Variants in LRRC53 observed in about 807,000 individuals in gnomAD.
LRRC53 encodes the protein leucine-rich repeat-containing protein 53.
LRRC53 carries 25 observed loss-of-function variants against 13.6 expected under a neutral mutation model. The observed-to-expected ratio is 1.83, with a 90% CI of 1.34 to 2.56. The LOEUF is 2.56. Ranked by LOEUF, LRRC53 falls within the 30% of genes most tolerant of loss-of-function variation. The pLI is 0.00. For missense variants in LRRC53, 527 were observed against 275.8 expected (o/e 1.91, Z -6.45); for synonymous variants, 204 against 109.8 (o/e 1.86, Z -5.37).
intron 1 of LRRC53, among the ~76,000 whole-genome samples, chr1:74,495,684 G>C (rs1415768530): frequency 6.6e-6 from 1 of 152,158 alleles, no homozygotes; most frequent in Non-Finnish European, 1.5e-5. Context: ...ACTTTCCCAA[G>C]TTAATGGAGA....
At position 74,475,814 on chromosome 1, in the gene LRRC53, T is replaced by C. The variant is rs1219459566; in HGVS notation, c.905-4A>G. ...AGGCAAGTGAGACCAACAGCTCCTA[T>C]GACAAATAGAGAGACCATTAAAAGA... On this transcript the variant is annotated splice_polypyrimidine_tract_variant and splice_region_variant and intron_variant, in intron 3 of 4. Coordinates refer to ENST00000294635, the MANE Select transcript of LRRC53 (RefSeq NM_001382280.1). 3.3e-6 allele frequency: 2 copies of C among 598,684 alleles called. No individual in the cohort carries two copies. The highest frequency in any genetic ancestry group is 1.9e-5 in the African/African-American group (1 of 53,576). 37.1% of individuals were successfully genotyped at this position (598,684 alleles called of 1,614,324 possible). A position where few individuals can be genotyped will look rare whatever the true frequency, so the allele number is the denominator to read the frequency against.
At position 74,480,257 on chromosome 1, in the gene LRRC53, G is replaced by C. The variant is rs898518726; in HGVS notation, c.800C>G (p.Thr267Ser). 1.4e-6 allele frequency: 1 copy of C among 717,416 alleles called. No homozygotes were observed. The highest frequency in any genetic ancestry group is 1.7e-5 in the African/African-American group (1 of 57,266). The allele number at this position is 717,416 out of a possible 1,614,324, so 44.4% of individuals were successfully genotyped here. Residue 267 changes from threonine to serine, a missense_variant, in exon 3 of 5, where the codon ACC becomes AGC. Physicochemically the swap from Thr to Ser is moderately conservative, Grantham distance 58 (BLOSUM62 1). Transcript: ENST00000294635. ...GTTGGGAGCTTTGGAATCACAGTTG[G>C]TCTCAGACAGCCTCAGCACACTCTG... is the stretch of plus-strand genomic sequence containing the variant. ...AAQSVLRLSE[T>S]NCDSKAPNFT...
the LRRC53 span, among the ~76,000 whole-genome samples, chr1:74,529,662 A>G: frequency 6.6e-6 from 1 of 152,218 alleles, no homozygotes; most frequent in East Asian, 1.9e-4. Flanking sequence ...AGTATTTGGG[A>G]GATGATGGGC....
the LRRC53 span, among the ~76,000 whole-genome samples, chr1:74,522,493 A>G: frequency 6.6e-6 from 1 of 152,118 alleles, no homozygotes; most frequent in East Asian, 1.9e-4. Flanking sequence ...TACGAGTTGC[A>G]TGACTAATTC....
intron 3 of LRRC53, among the ~76,000 whole-genome samples, chr1:74,479,740 G>A (rs1247624389): frequency 6.6e-6 from 1 of 152,218 alleles, no homozygotes; most frequent in African/African-American, 2.4e-5. Context: ...TGAGGAAAGA[G>A]TCTATGTCCC....
chr1:74,503,262 A>T (rs1009885698), intron 1 of LRRC53, among the ~76,000 whole-genome samples: 1 of 152,222 alleles, frequency 6.6e-6, no homozygotes, highest in African/African-American at 2.4e-5. Context: ...GGGAATCAGC[A>T]TCTTTTAGCT....
chr1:74,483,316 A>G lies in LRRC53; in HGVS notation c.34T>C (p.Cys12Arg), dbSNP rs762475126. 3.5e-5 allele frequency: 25 copies of G among 717,528 alleles called. No homozygotes were observed. The highest frequency in any genetic ancestry group is 3.4e-4 in the South Asian group (23 of 67,590). The allele number at this position is 717,528 out of a possible 1,614,324, so 44.4% of individuals were successfully genotyped here. Residue 12 changes from cysteine to arginine, a missense_variant, in exon 2 of 5, where the codon TGT becomes CGT. Transcript: ENST00000294635. ...LRLVAACPES[C>R]VVCTKDVTLC... ...GTTACATCTTTGGTGCACACCACAC[A>G]TGACTCAGGGCAAGCTGCCACCAAC...
intron 1 of LRRC53, among the ~76,000 whole-genome samples, chr1:74,511,920 C>T (rs1670247656): frequency 6.6e-6 from 1 of 152,130 alleles, no homozygotes; most frequent in Non-Finnish European, 1.5e-5. Flanking sequence ...GTGGGTAGAG[C>T]AGAAGCTATA....
chr1:74,499,062 C>A (rs1466396331), intron 1 of LRRC53, among the ~76,000 whole-genome samples: 1 of 152,240 alleles, frequency 6.6e-6, no homozygotes, highest in East Asian at 1.9e-4. Context: ...AATAAACAAG[C>A]AAACCAACAG....
intron 3 of LRRC53, among the ~76,000 whole-genome samples, chr1:74,477,921 C>T (rs1188185358): frequency 1.3e-5 from 2 of 152,188 alleles, no homozygotes; most frequent in Admixed American, 1.3e-4. Context: ...ATTAGAAACA[C>T]ATTACAGCTT....
At chr1:74,536,679 T>C in the LRRC53 span, among the ~76,000 whole-genome samples, 1 of 152,138 alleles carries the variant, frequency 6.6e-6, no homozygotes, top group Non-Finnish European at 1.5e-5. Flanking sequence ...AAATTACCCA[T>C]ATAGGAGCTA....
the LRRC53 span, among the ~76,000 whole-genome samples, chr1:74,527,148 T>C: frequency 2.0e-5 from 3 of 152,180 alleles, no homozygotes; most frequent in African/African-American, 7.2e-5. Context: ...TACCTTCAGG[T>C]CACTGTAAAC....
rs199698996 is a variant in LRRC53 at position 74,489,217 on chromosome 1, T to C, written c.-26-5842A>G. Reference sequence around the variant, plus strand: ...AGACCCGAATTTTCTGAAGTTGTCATGAAGTTAGAAGAGTGTCTCTGCAAC... The same window carrying C: ...AGACCCGAATTTTCTGAAGTTGTCACGAAGTTAGAAGAGTGTCTCTGCAAC... On this transcript the variant is annotated intron_variant, in intron 1 of 4. Transcript: ENST00000294635. 96 of 1,612,280 alleles carry C rather than the reference T, an allele frequency of 6.0e-5. No individual in the cohort carries two copies. Among genetic ancestry groups the C allele is most frequent in the Non-Finnish European group, 5.0e-5 (59 of 1,179,310 alleles).
In LRRC53 at chr1:74,475,518, A is replaced by C. The variant is rs927964661; in HGVS notation, c.1197T>G (p.Phe399Leu). 6 of 716,832 alleles carry C rather than the reference A, an allele frequency of 8.4e-6. No homozygotes were observed. The highest frequency in any genetic ancestry group is 1.6e-5 in the Non-Finnish European group (6 of 384,828). The allele number at this position is 716,832 out of a possible 1,614,324, so 44.4% of individuals were successfully genotyped here. Reference protein sequence around the residue: ...ASESATLDGSFRNLKKKDRGV... With the variant: ...ASESATLDGSLRNLKKKDRGV... Reference sequence around the variant, plus strand: ...CACGGTCTTTCTTTTTCAGGTTTCTAAATGATCCGTCAAGGGTTGCAGACT... The same window carrying C: ...CACGGTCTTTCTTTTTCAGGTTTCTCAATGATCCGTCAAGGGTTGCAGACT... The change falls in exon 4 of 5, where the codon TTT (phenylalanine) becomes TTG (leucine). Residue 399 changes from phenylalanine to leucine, a missense_variant. Coordinates refer to ENST00000294635, the MANE Select transcript of LRRC53 (RefSeq NM_001382280.1).
In LRRC53 at chr1:74,475,771, T is replaced by C. The variant is rs1668175330; in HGVS notation, c.944A>G (p.Asn315Ser). The C allele has an allele frequency of 6.3e-6, 4 of 634,362 alleles. 1 individual carries two copies. The South Asian group carries it at 7.7e-5, about 12-fold the overall frequency. 39.3% of individuals were successfully genotyped at this position (634,362 alleles called of 1,614,324 possible). Residue 315 changes from asparagine (N) to serine (S), a missense_variant, in exon 4 of 5, where the codon AAC becomes AGC. Asn to Ser is a conservative substitution (Grantham distance 46). Coordinates refer to ENST00000294635, the MANE Select transcript of LRRC53 (RefSeq NM_001382280.1). ...TGCTTTGCCTTGGTGGAGTTTCCAG[T>C]TAAATACAACTAAACCTAGGCAAGT... ...GLTCLGLVVF[N>S]WKLHQGKANE...
At chr1:74,510,958 G>A (rs1670179968) in intron 1 of LRRC53, among the ~76,000 whole-genome samples, 1 of 152,164 alleles carries the variant, frequency 6.6e-6, no homozygotes, top group Non-Finnish European at 1.5e-5. Flanking sequence ...TGCGATCTTG[G>A]CTCACTGCAA....
intron 1 of LRRC53, among the ~76,000 whole-genome samples, chr1:74,494,201 A>G (rs1477712376): frequency 6.6e-6 from 1 of 152,174 alleles, no homozygotes; most frequent in Non-Finnish European, 1.5e-5. Context: ...ATATACATAC[A>G]CACTCATACA....
the LRRC53 span, among the ~76,000 whole-genome samples, chr1:74,523,539 C>G: frequency 6.6e-6 from 1 of 152,078 alleles, no homozygotes; most frequent in Non-Finnish European, 1.5e-5. Flanking sequence ...AAGTTATAGG[C>G]TATGCCTGGC....
Position 74,475,523 on chromosome 1 carries a change from A to T in LRRC53, c.1192T>A (p.Ser398Thr). 1 of 716,916 alleles carries T rather than the reference A, an allele frequency of 1.4e-6. No homozygotes were observed. Among genetic ancestry groups the T allele is most frequent in the Non-Finnish European group, 2.6e-6 (1 of 384,840 alleles). 44.4% of individuals were successfully genotyped at this position (716,916 alleles called of 1,614,324 possible). A position where few individuals can be genotyped will look rare whatever the true frequency, so the allele number is the denominator to read the frequency against. Reference protein sequence around the residue: ...SASESATLDGSFRNLKKKDRG... With the variant: ...SASESATLDGTFRNLKKKDRG... Reference sequence around the variant, plus strand: ...TCTTTCTTTTTCAGGTTTCTAAATGATCCGTCAAGGGTTGCAGACTCAGAG... The same window carrying T: ...TCTTTCTTTTTCAGGTTTCTAAATGTTCCGTCAAGGGTTGCAGACTCAGAG... Residue 398 changes from serine (S) to threonine (T), a missense_variant, in exon 4 of 5, where the codon TCA (serine) becomes ACA (threonine). By Grantham distance (58) the Ser-to-Thr change is moderately conservative. Coordinates refer to ENST00000294635, the MANE Select transcript of LRRC53 (RefSeq NM_001382280.1).
Sources: allele counts gnomAD v4.1 joint callset (sites outside exome capture counted in the v4.1 genomes callset), GRCh38; gene constraint gnomAD v4.1.1; transcripts MANE v1.5; gene names NCBI Gene and HGNC (gene_info 2026-07-23, HGNC 2026-07-21).